Variants in TG observed in about 807,000 individuals in gnomAD.
TG encodes the protein thyroid hormones.
TG carries 270 observed loss-of-function variants against 324.7 expected under a neutral mutation model. The ratio of observed to expected loss-of-function variants is 0.83; its 90% CI spans 0.75 to 0.92. The LOEUF is 0.92. TG is among the 40% of genes least tolerant of loss of function. TG has a pLI of 0.00. For missense variants in TG, 3,591 were observed against 3,456.4 expected (o/e 1.04, Z -0.98); for synonymous variants, 1,401 against 1,327.0 (o/e 1.06, Z -1.21).
In TG at chr8:132,879,375, G is replaced by A. The variant is rs141048860; in HGVS notation, c.639-2488G>A. On this transcript the variant is annotated intron_variant, in intron 5 of 47. Transcript: ENST00000220616. ...GGATTCTTGGCCCCTGGTCTTGGCT[G>A]GATGATCTTGACCCAGTCACATCAC... 7.1e-3 allele frequency among the ~76,000 whole-genome samples: 1,076 copies of A among 152,216 alleles called. 7 individuals carry two copies. The highest frequency in any genetic ancestry group is 0.013 in the South Asian group (61 of 4,822).
intron 44 of TG, 95 bp from the exon 45 acceptor site, chr8:133,116,514 C>A: frequency 1.7e-6 from 2 of 1,170,198 alleles, no homozygotes; most frequent in South Asian, 2.5e-5. Flanking sequence ...GGGTTGGGGG[C>A]CCAGGGGGCC....
chr8:133,116,716 G>T lies in TG; in HGVS notation c.7862G>T (p.Ser2621Ile), dbSNP rs1850724351. ...YHAPENYGHG[S>I]LELLADVQFA... ...GCTCCTGAAAACTACGGCCATGGCA[G>T]GTAAGACGCTGCAGGGAAGCAGAGA... Residue 2621 changes from serine (S) to isoleucine (I), a missense_variant and splice_region_variant, in exon 45 of 48, where the codon AGC (serine) becomes ATC (isoleucine). Ser to Ile is a moderately radical substitution (Grantham distance 142). Coordinates refer to ENST00000220616, the MANE Select transcript of TG (RefSeq NM_003235.5). The T allele has an allele frequency of 6.2e-7, 1 of 1,613,498 alleles. No homozygotes were observed. Among genetic ancestry groups the T allele is most frequent in the African/African-American group, 1.3e-5 (1 of 74,918 alleles).
intron 43 of TG, among the ~76,000 whole-genome samples, chr8:133,112,677 G>T (rs1850358609): frequency 6.6e-6 from 1 of 152,128 alleles, no homozygotes; most frequent in Non-Finnish European, 1.5e-5. Context: ...GCGCCCATCT[G>T]GACACACATC....
At chr8:133,016,486 C>A (rs1471078909) in intron 37 of TG, among the ~76,000 whole-genome samples, 3 of 152,180 alleles carry the variant, frequency 2.0e-5, no homozygotes, top group Non-Finnish European at 2.9e-5. Flanking sequence ...TACAAAGCTC[C>A]TGCGGAGTAG....
intron 32 of TG, 69 bp downstream of exon 32, chr8:132,969,638 C>G (rs1829188353): frequency 1.6e-6 from 2 of 1,221,630 alleles, no homozygotes. Flanking sequence ...ATGACACAAT[C>G]ACAGCTAAAA....
rs1587143065 is a variant in TG, at chr8:132,867,025, A to C, written c.25A>C (p.Thr9Pro). Residue 9 changes from threonine to proline, a missense_variant, in exon 1 of 48, where the codon ACC (threonine) becomes CCC (proline). Thr to Pro is a conservative substitution (Grantham distance 38). Transcript: ENST00000220616. ...AATGGCCCTGGTCCTGGAGATCTTC[A>C]CCCTGCTGGCCTCCATCTGCTGGGT... is the stretch of plus-strand genomic sequence containing the variant. MALVLEIF[T>P]LLASICWVSA... The C allele has an allele frequency of 1.9e-6, 3 of 1,600,742 alleles. No homozygotes were observed. The East Asian group carries it at 6.7e-5, about 36-fold the overall frequency.
intron 41 of TG, among the ~76,000 whole-genome samples, chr8:133,041,783 A>G (rs1028139580): frequency 6.0e-5 from 8 of 133,812 alleles, no homozygotes; most frequent in Middle Eastern, 3.8e-3. Flanking sequence ...GCTTGTGGTC[A>G]GTTTTTTTTT....
At position 132,882,594 on chromosome 8, in the gene TG, A is replaced by G. The variant is rs756255826; in HGVS notation, c.871A>G (p.Ile291Val). The change falls in exon 7 of 48, where the codon ATC becomes GTC. Residue 291 changes from isoleucine (I) to valine (V), a missense_variant. Transcript: ENST00000220616. ...QRRFLAVQSV[I>V]SGRFRCPTKC... ...ACGGTTCCTCGCAGTTCAATCAGTC[A>G]TCTCTGGCAGATTCCGATGTAAGTA... 9.9e-6 allele frequency: 16 copies of G among 1,614,236 alleles called. No homozygotes were observed. In the South Asian group the frequency reaches 1.8e-4, roughly 18 times the overall value.
At chr8:133,129,970 A>G (rs1047659420) in intron 45 of TG, among the ~76,000 whole-genome samples, 1 of 152,142 alleles carries the variant, frequency 6.6e-6, no homozygotes, top group Non-Finnish European at 1.5e-5. Context: ...AAGGACTCCC[A>G]CTCTTAAGCT....
At chr8:132,868,293 C>T (rs562752939) in intron 2 of TG, 70 bp downstream of exon 2, 1 of 1,404,978 alleles carries the variant, frequency 7.1e-7, no homozygotes, top group Non-Finnish European at 9.9e-7. Context: ...GCCTTCCCCC[C>T]TCTTCCTGAG....
chr8:133,030,320 G>A (rs1471690799), intron 41 of TG, among the ~76,000 whole-genome samples: 2 of 152,156 alleles, frequency 1.3e-5, no homozygotes, highest in Non-Finnish European at 2.9e-5. Flanking sequence ...TATCTCTCTT[G>A]TCAATGCATG....
At chr8:133,069,989 A>G (rs1371180426) in intron 41 of TG, among the ~76,000 whole-genome samples, 2 of 132,504 alleles carry the variant, frequency 1.5e-5, no homozygotes, top group Admixed American at 8.1e-5. Context: ...TGACAGAGCA[A>G]GGCTCCAGCT....
intron 45 of TG, among the ~76,000 whole-genome samples, chr8:133,123,441 T>C (rs1283616818): frequency 6.6e-6 from 1 of 152,124 alleles, no homozygotes; most frequent in Non-Finnish European, 1.5e-5. Flanking sequence ...CTGGGCATTC[T>C]GTCTAATGCC....
intron 41 of TG, chr8:133,037,736 A>C (rs1242957416): frequency 6.6e-6 from 1 of 152,146 alleles, no homozygotes; most frequent in African/African-American, 2.4e-5. Flanking sequence ...TACAGGCAAG[A>C]ATCCCAGCAT....
rs765232148 is a variant in TG, at chr8:133,131,917, G to T, written c.7968G>T (p.Met2656Ile). Residue 2656 changes from methionine to isoleucine, a missense_variant, in exon 46 of 48, where the codon ATG (methionine) becomes ATT (isoleucine). Met to Ile is a conservative substitution (Grantham distance 10, BLOSUM62 1). Coordinates refer to ENST00000220616, the MANE Select transcript of TG (RefSeq NM_003235.5). The stretch of plus-strand genomic sequence containing the variant: ...AGAAGAGCCTGTCGCTGAAAATCAT[G>T]CAGTACTTTTCCCACTTCATCAGAT... The part of the protein sequence containing the change: ...LEEKSLSLKI[M>I]QYFSHFIRSG... The T allele has an allele frequency of 4.3e-6, 7 of 1,614,144 alleles. No homozygotes were observed. The highest frequency in any genetic ancestry group is 5.1e-6 in the Non-Finnish European group (6 of 1,180,022).
chr8:133,056,636 C>T (rs1841485239), intron 41 of TG, among the ~76,000 whole-genome samples: 1 of 152,178 alleles, frequency 6.6e-6, no homozygotes, highest in Non-Finnish European at 1.5e-5. Flanking sequence ...TCAGATTCTC[C>T]AACTGCAAAA....
chr8:133,118,303 C>T (rs28573183), intron 45 of TG, among the ~76,000 whole-genome samples: 2,552 of 149,874 alleles, frequency 0.017, 66 homozygotes, highest in African/African-American at 0.058. Context: ...TACCTGATTC[C>T]CCCAAACAGA....
rs117074997 is a variant in TG, at chr8:132,917,939, T to C, written c.4379-1437T>C. Among the ~76,000 whole-genome samples, 922 of 150,262 alleles carry C rather than the reference T, an allele frequency of 6.1e-3. 2 individuals carry two copies. The highest frequency in any genetic ancestry group is 9.3e-3 in the Non-Finnish European group (631 of 67,678). On this transcript the variant is annotated intron_variant, in intron 20 of 47. Coordinates refer to ENST00000220616, the MANE Select transcript of TG (RefSeq NM_003235.5). ...AAACCACAATTACTTTTGCGCCAGC[T>C]TAATATTAAGGAAGGGTCTGAGGCT... is the stretch of plus-strand genomic sequence containing the variant.
At chr8:133,006,159 T>A (rs1370840439) in intron 35 of TG, among the ~76,000 whole-genome samples, 1 of 152,168 alleles carries the variant, frequency 6.6e-6, no homozygotes, top group Non-Finnish European at 1.5e-5. Context: ...CTCAGAGTAG[T>A]TAAGGGACTT....
Sources: allele counts gnomAD v4.1 joint callset (sites outside exome capture counted in the v4.1 genomes callset), GRCh38; gene constraint gnomAD v4.1.1; transcripts MANE v1.5; gene names NCBI Gene and HGNC (gene_info 2026-07-23, HGNC 2026-07-21).